The following MAP4 variants were observed in gnomAD, a reference collection of about 807,000 sequenced individuals.
The protein encoded by MAP4 is microtubule-associated protein 4.
Under a neutral mutation model 170.2 loss-of-function variants are expected in MAP4, and 76 were observed. That is an observed-to-expected ratio of 0.45 (90% CI 0.37 to 0.54). The LOEUF (loss-of-function observed/expected upper bound fraction) is 0.54, where lower values mean the gene tolerates loss of function less well. Ranked by LOEUF, MAP4 falls within the 20% of genes least tolerant of loss-of-function variation. The probability of loss-of-function intolerance (pLI) is 0.00; values close to 1 mark genes in which losing one functional copy is unlikely to be tolerated. For missense variants in MAP4, 2,506 were observed against 2,748.0 expected (o/e 0.91, Z 1.97); for synonymous variants, 909 against 994.5 (o/e 0.91, Z 1.62).
At chr3:47,868,029 T>C (rs141790334) in intron 16 of MAP4, among the ~76,000 whole-genome samples, 1 of 152,310 alleles carries the variant, frequency 6.6e-6, no homozygotes, top group Non-Finnish European at 1.5e-5. Context: ...TAAAATACCT[T>C]CTTGAATCCT....
chr3:47,901,266 A>G (rs2100029844), intron 10 of MAP4, among the ~76,000 whole-genome samples: 1 of 152,218 alleles, frequency 6.6e-6, no homozygotes, highest in African/African-American at 2.4e-5. Flanking sequence ...TCTGTTTTCC[A>G]CCCTGGAATC....
chr3:48,007,625 T>C (rs560573090), intron 1 of MAP4, among the ~76,000 whole-genome samples: 1 of 151,778 alleles, frequency 6.6e-6, no homozygotes, highest in Non-Finnish European at 1.5e-5. Context: ...CAATGGAGAC[T>C]TCTAGGATTT....
chr3:47,923,931 G>A (rs183490179), intron 4 of MAP4, among the ~76,000 whole-genome samples: 222 of 152,250 alleles, frequency 1.5e-3, no homozygotes, highest in Middle Eastern at 3.4e-3. Flanking sequence ...GGGATAGCTC[G>A]CTGCTTGCTC....
intron 1 of MAP4, among the ~76,000 whole-genome samples, chr3:48,076,724 A>C (rs1042684947): frequency 6.6e-6 from 1 of 152,142 alleles, no homozygotes; most frequent in Non-Finnish European, 1.5e-5. Flanking sequence ...CGAATGAAAA[A>C]AACAAACAAA....
At chr3:48,048,983 T>C (rs1218605698) in intron 1 of MAP4, among the ~76,000 whole-genome samples, 1 of 152,222 alleles carries the variant, frequency 6.6e-6, no homozygotes, top group Non-Finnish European at 1.5e-5. Context: ...CTTTACAGTT[T>C]TGTCACTTTG....
At chr3:47,856,875 G>A (rs1576611953) in intron 18 of MAP4, among the ~76,000 whole-genome samples, 2 of 152,346 alleles carry the variant, frequency 1.3e-5, no homozygotes, top group Admixed American at 1.3e-4. Context: ...GAGGCTGCTA[G>A]GGGACTACCC....
At chr3:47,880,680 C>T (rs2096573214) in intron 10 of MAP4, among the ~76,000 whole-genome samples, 1 of 151,856 alleles carries the variant, frequency 6.6e-6, no homozygotes, top group East Asian at 1.9e-4. Flanking sequence ...GCCATGTGGC[C>T]CAAACTGACC....
At position 47,916,278 on chromosome 3, in the gene MAP4, C is replaced by T. The variant is rs1387310300; in HGVS notation, c.1549G>A (p.Gly517Ser). Reference protein sequence around the residue: ...SPLSETEMALGKDVTPPPETE... With the variant: ...SPLSETEMALSKDVTPPPETE... ...TCTGGAGGTGGAGTCACATCCTTGC[C>T]CAGAGCCATTTCTGTTTCTGATAGT... Residue 517 changes from glycine (G) to serine (S), a missense_variant, in exon 7 of 21, where the codon GGC (glycine) becomes AGC (serine). Gly to Ser is a moderately conservative substitution (Grantham distance 56, BLOSUM62 0). Coordinates refer to ENST00000683076, the MANE Select transcript of MAP4 (RefSeq NM_001385682.1). The T allele has an allele frequency of 6.2e-7, 1 of 1,614,086 alleles. No individual in the cohort carries two copies. The highest frequency in any genetic ancestry group is 1.3e-5 in the African/African-American group (1 of 74,928).
At position 47,910,602 on chromosome 3, in the gene MAP4, T is replaced by A; in HGVS notation, c.3819A>T (p.Ser1273=). The part of the protein sequence containing the change: ...TFPKMHDSSF[S]HTPDTPTVEA... ...CCACTGTGGGTGTATCTGGTGTATGTGAGAACGAAGAATCATGCATTTTGG... is the reference window on the plus strand; with the variant it reads ...CCACTGTGGGTGTATCTGGTGTATGAGAGAACGAAGAATCATGCATTTTGG... The change falls in exon 9 of 21, where the codon TCA becomes TCT. Residue 1273 remains serine (S), a synonymous_variant. Coordinates refer to ENST00000683076, the MANE Select transcript of MAP4 (RefSeq NM_001385682.1). 1 of 1,536,142 alleles carries A rather than the reference T, an allele frequency of 6.5e-7. No individual in the cohort carries two copies. Among genetic ancestry groups the A allele is most frequent in the Non-Finnish European group, 8.7e-7 (1 of 1,146,912 alleles).
At chr3:48,002,319 C>G (rs947074862) in intron 1 of MAP4, among the ~76,000 whole-genome samples, 1 of 151,114 alleles carries the variant, frequency 6.6e-6, no homozygotes, top group Non-Finnish European at 1.5e-5. Context: ...CCAGCACTTT[C>G]AGAGGCTGAA....
intron 1 of MAP4, among the ~76,000 whole-genome samples, chr3:48,058,309 C>G (rs2100133363): frequency 6.6e-6 from 1 of 152,170 alleles, no homozygotes; most frequent in Non-Finnish European, 1.5e-5. Flanking sequence ...GGCCGGCTGG[C>G]CAGCCTGCGA....
intron 1 of MAP4, among the ~76,000 whole-genome samples, chr3:48,027,833 T>C (rs893818311): frequency 6.6e-6 from 1 of 152,136 alleles, no homozygotes; most frequent in African/African-American, 2.4e-5. Context: ...TGTAAGACCC[T>C]GTCTCAAAAA....
Position 47,855,894 on chromosome 3 carries a change from G to C in MAP4, c.6584-534C>G, listed in dbSNP as rs1369196536. On this transcript the variant is annotated intron_variant, in intron 18 of 20. Transcript: ENST00000683076. This position sits in a 1 kb window ranked among gnomAD's most constrained non-coding sequence, Gnocchi z 5.1. ...CAGTGACAGGTTGTGAAAATTGTCT[G>C]AGACCCTAAACCGTACCACACTCTA... Among the ~76,000 whole-genome samples the C allele has an allele frequency of 6.6e-6, 1 of 152,196 alleles. No homozygotes were observed. The highest frequency in any genetic ancestry group is 1.5e-5 in the Non-Finnish European group (1 of 68,040).
intron 1 of MAP4, among the ~76,000 whole-genome samples, chr3:48,063,630 G>A (rs963103171): frequency 2.6e-5 from 4 of 151,922 alleles, no homozygotes; most frequent in African/African-American, 9.7e-5. Flanking sequence ...TAAGCAAATT[G>A]TAGTGTACCC....
At chr3:47,881,470 A>C (rs2096723584) in intron 10 of MAP4, among the ~76,000 whole-genome samples, 1 of 91,336 alleles carries the variant, frequency 1.1e-5, no homozygotes. Flanking sequence ...ATATATATAT[A>C]TATATATATA....
chr3:47,898,113 T>C (rs1433348035), intron 10 of MAP4, among the ~76,000 whole-genome samples: 2 of 152,324 alleles, frequency 1.3e-5, no homozygotes, highest in African/African-American at 2.4e-5. Flanking sequence ...TTTCCTTTCA[T>C]GTGGCTTCTG....
At chr3:47,981,376 G>A (rs1471386812) in intron 2 of MAP4, among the ~76,000 whole-genome samples, 1 of 151,848 alleles carries the variant, frequency 6.6e-6, no homozygotes, top group Non-Finnish European at 1.5e-5. Context: ...GCAACATAGT[G>A]TGACCCCATC....
At chr3:47,966,697 G>A (rs2100075288) in intron 3 of MAP4, among the ~76,000 whole-genome samples, 1 of 152,054 alleles carries the variant, frequency 6.6e-6, no homozygotes, top group Non-Finnish European at 1.5e-5. Flanking sequence ...ACTTTTTTAT[G>A]TGGATATCCA....
chr3:48,008,503 T>TTA (rs1026186605), intron 1 of MAP4, among the ~76,000 whole-genome samples: 2 of 152,208 alleles, frequency 1.3e-5, no homozygotes, highest in Non-Finnish European at 2.9e-5. Flanking sequence ...AGATGTGTGA[T>TTA]TATATACTCA....
Sources: allele counts gnomAD v4.1 joint callset (sites outside exome capture counted in the v4.1 genomes callset), GRCh38; gene constraint gnomAD v4.1.1; non-coding constraint Gnocchi (gnomAD v3.1); transcripts MANE v1.5; gene names NCBI Gene and HGNC (gene_info 2026-07-23, HGNC 2026-07-21).